The following DCAF1 variants were observed in gnomAD, a reference collection of about 807,000 sequenced individuals.
DCAF1 encodes DDB1- and CUL4-associated factor 1.
Under a neutral mutation model 128.0 loss-of-function variants are expected in DCAF1, and 15 were observed. The ratio of observed to expected loss-of-function variants is 0.12; its 90% CI spans 0.08 to 0.18. The LOEUF (loss-of-function observed/expected upper bound fraction) is 0.18. DCAF1 is among the 10% of genes least tolerant of loss of function. The pLI is 1.00. For synonymous variants in DCAF1, 610 were observed against 603.0 expected (o/e 1.01, Z -0.17); for missense variants, 988 against 1,649.5 (o/e 0.60, Z 6.95).
At position 51,427,519 on chromosome 3, in the gene DCAF1, T is replaced by C. The variant is rs1553634452; in HGVS notation, c.1700A>G (p.Gln567Arg). Residue 567 changes from glutamine to arginine, a missense_variant, in exon 13 of 25, where the codon CAG becomes CGG. By Grantham distance (43) the Gln-to-Arg change is conservative. Around this residue, in one of 11 missense-constraint regions of DCAF1, gnomAD observed 185 missense variants for 248.1 expected, o/e 0.75. Transcript: ENST00000684031. Reference protein sequence around the residue: ...PYKACSYTHEQIVEMMEFLIE... With the variant: ...PYKACSYTHERIVEMMEFLIE... ...CAAAAATTCCATCATTTCCACAATCTGTTCATGAGTATATGAGCATGCCTA... is the reference window on the plus strand; with the variant it reads ...CAAAAATTCCATCATTTCCACAATCCGTTCATGAGTATATGAGCATGCCTA... The C allele has an allele frequency of 1.3e-6, 1 of 763,264 alleles. No individual in the cohort carries two copies. Among genetic ancestry groups the C allele is most frequent in the Non-Finnish European group, 2.4e-6 (1 of 409,512 alleles). 47.3% of individuals were successfully genotyped at this position (763,264 alleles called of 1,614,324 possible).
rs1553625614 is a variant in DCAF1, at chr3:51,403,393, T to C, written c.4215A>G (p.Glu1405=). 2 of 1,552,086 alleles carry C rather than the reference T, an allele frequency of 1.3e-6. No individual in the cohort carries two copies. The highest frequency in any genetic ancestry group is 2.4e-5 in the South Asian group (2 of 84,068). ...CATCTTCTTCCTCCTGTTCTTCCTCTTCCTGGTAAGAAAGCGTAATGTTCA... is the reference window on the plus strand; with the variant it reads ...CATCTTCTTCCTCCTGTTCTTCCTCCTCCTGGTAAGAAAGCGTAATGTTCA... The part of the protein sequence containing the change: ...AEDEDEEEDQ[E]EEEQEEEDDD... The change falls in exon 24 of 25, where the codon GAA becomes GAG. Residue 1405 remains glutamate (E), a splice_region_variant and synonymous_variant. Transcript: ENST00000684031.
At chr3:51,401,748 G>A (rs1471853615) in intron 24 of DCAF1, among the ~76,000 whole-genome samples, 3 of 152,228 alleles carry the variant, frequency 2.0e-5, no homozygotes, top group Non-Finnish European at 4.4e-5. Context: ...CTGGCCTGCT[G>A]TTTGCTGACC....
At chr3:51,483,024 A>G (rs1278773098) in intron 3 of DCAF1, among the ~76,000 whole-genome samples, 1 of 151,030 alleles carries the variant, frequency 6.6e-6, no homozygotes, top group Non-Finnish European at 1.5e-5. Flanking sequence ...CTGTAATCCC[A>G]GCTACTCAGG....
intron 3 of DCAF1, among the ~76,000 whole-genome samples, chr3:51,476,679 C>T (rs188243690): frequency 1.3e-5 from 2 of 150,922 alleles, no homozygotes; most frequent in African/African-American, 4.9e-5. Context: ...AGATCAAGAC[C>T]ATCCTGGCTA....
chr3:51,441,526 C>T lies in DCAF1; in HGVS notation c.885G>A (p.Met295Ile), dbSNP rs1701352536. 1 of 1,613,914 alleles carries T rather than the reference C, an allele frequency of 6.2e-7. No individual in the cohort carries two copies. The highest frequency in any genetic ancestry group is 8.5e-7 in the Non-Finnish European group (1 of 1,179,900). ...AACTGCTATTAGACAGCTCAACAAA[C>T]ATGCGATCTGGATCAGAAGATGAGA... ...LGFSSSDPDR[M>I]FVELSNSSWS... Residue 295 changes from methionine to isoleucine, a missense_variant, in exon 8 of 25, where the codon ATG becomes ATA. By Grantham distance (10) the Met-to-Ile change is conservative. Around this residue, in one of 11 missense-constraint regions of DCAF1, gnomAD observed 210 missense variants for 260.2 expected, o/e 0.81. Coordinates refer to ENST00000684031, the MANE Select transcript of DCAF1 (RefSeq NM_001387579.1).
chr3:51,421,592 T>C (rs549001833), intron 14 of DCAF1, among the ~76,000 whole-genome samples: 12 of 152,260 alleles, frequency 7.9e-5, no homozygotes, highest in African/African-American at 2.6e-4. Flanking sequence ...ACTAAAACCT[T>C]AGGAACGGAG....
At chr3:51,481,147 A>G (rs549866085) in intron 3 of DCAF1, among the ~76,000 whole-genome samples, 1 of 152,332 alleles carries the variant, frequency 6.6e-6, no homozygotes, top group South Asian at 2.1e-4. Flanking sequence ...TTTTACAGCG[A>G]AAGAACTACA....
At chr3:51,504,312 A>G (rs1708890519), upstream of DCAF1, among the ~76,000 whole-genome samples, 1 of 151,812 alleles carries the variant, frequency 6.6e-6, no homozygotes, top group African/African-American at 2.4e-5. Context: ...CTGGGATTAC[A>G]GGCGTGAGCC....
chr3:51,425,650 C>T (rs1699845089), intron 13 of DCAF1, among the ~76,000 whole-genome samples: 1 of 138,740 alleles, frequency 7.2e-6, no homozygotes, highest in South Asian at 2.4e-4. Flanking sequence ...GCATTCTCTA[C>T]CTCCTGGGCT....
downstream of DCAF1, chr3:51,396,531 C>G (rs1276446630): frequency 6.0e-6 from 1 of 167,198 alleles, no homozygotes; most frequent in Admixed American, 6.5e-5. Flanking sequence ...CCAGTGCCCC[C>G]ACCCAGGGTT....
At chr3:51,447,957 A>G (rs1702034848) in intron 6 of DCAF1, among the ~76,000 whole-genome samples, 1 of 152,156 alleles carries the variant, frequency 6.6e-6, no homozygotes, top group African/African-American at 2.4e-5. Context: ...AATTAAAAAA[A>G]AAAAAGTTCT....
chr3:51,440,215 T>G, intron 9 of DCAF1: 1 of 492,724 alleles, frequency 2.0e-6, no homozygotes, highest in Non-Finnish European at 4.0e-6. Context: ...ACAAGAATGT[T>G]TTGATTGTTA....
intron 3 of DCAF1, among the ~76,000 whole-genome samples, chr3:51,475,668 T>C (rs1559557718): frequency 6.6e-6 from 1 of 152,162 alleles, no homozygotes; most frequent in Non-Finnish European, 1.5e-5. Flanking sequence ...AAGACCATCC[T>C]GGCTAACACG....
At chr3:51,410,507 A>ACAGCTAAATCTCAAAC (rs1553628125) in intron 23 of DCAF1, among the ~76,000 whole-genome samples, 13 of 151,952 alleles carry the variant, frequency 8.6e-5, no homozygotes, top group East Asian at 5.8e-4. Context: ...AGTAAAACAC[A>ACAGCTAAATCTCAAAC]TAGCTAAATC....
intron 23 of DCAF1, among the ~76,000 whole-genome samples, chr3:51,404,711 T>G (rs573514147): frequency 5.3e-5 from 8 of 152,374 alleles, no homozygotes; most frequent in Non-Finnish European, 1.0e-4. Flanking sequence ...CTAATACTTG[T>G]GCAAGTGCGT....
At chr3:51,448,765 A>G (rs1264407802) in intron 6 of DCAF1, among the ~76,000 whole-genome samples, 1 of 152,206 alleles carries the variant, frequency 6.6e-6, no homozygotes, top group Non-Finnish European at 1.5e-5. Context: ...TACGATTAAG[A>G]CAACCAGACA....
chr3:51,434,270 C>G (rs993259576), intron 9 of DCAF1, among the ~76,000 whole-genome samples: 2 of 151,926 alleles, frequency 1.3e-5, no homozygotes, highest in Admixed American at 6.6e-5. Flanking sequence ...AATGCAGTGG[C>G]GCATGCCTGT....
chr3:51,399,140 G>A (rs149064608), intron 24 of DCAF1, among the ~76,000 whole-genome samples: 1 of 152,326 alleles, frequency 6.6e-6, no homozygotes, highest in Non-Finnish European at 1.5e-5. Flanking sequence ...ACTTTAAATG[G>A]CTGCAAAGGG....
At chr3:51,405,911 G>A (rs1277348582) in intron 23 of DCAF1, among the ~76,000 whole-genome samples, 1 of 152,162 alleles carries the variant, frequency 6.6e-6, no homozygotes, top group Non-Finnish European at 1.5e-5. Context: ...GCACACACCT[G>A]TAGTCCCAGC....
Sources: allele counts gnomAD v4.1 joint callset (sites outside exome capture counted in the v4.1 genomes callset), GRCh38; gene constraint gnomAD v4.1.1; regional missense constraint gnomAD v4.1.1; transcripts MANE v1.5; gene names NCBI Gene and HGNC (gene_info 2026-07-23, HGNC 2026-07-21).